INHBA: variants seen among roughly 807,000 people sequenced by gnomAD.
The protein encoded by INHBA is inhibin beta A chain.
A neutral mutation model predicts 29.0 loss-of-function variants in INHBA; 1 was observed. That is an observed-to-expected ratio of 0.03 (90% CI 0.01 to 0.16). The LOEUF is 0.16. INHBA is among the 10% of genes least tolerant of loss of function. The pLI is 1.00. For synonymous variants in INHBA, 242 were observed against 216.8 expected (o/e 1.12, Z -1.02); for missense variants, 376 against 545.4 (o/e 0.69, Z 3.09).
At position 41,689,631 on chromosome 7, in the gene INHBA, C is replaced by A; in HGVS notation, c.*19G>T. 2.6e-6 allele frequency: 4 copies of A among 1,517,220 alleles called. No individual in the cohort carries two copies. Among genetic ancestry groups the A allele is most frequent in the Non-Finnish European group, 3.5e-6 (4 of 1,134,822 alleles). 94.0% of individuals were successfully genotyped at this position (1,517,220 alleles called of 1,614,324 possible). ...TCTCTGGACAACTCTTGCTCCCTTT[C>A]CCCCTGGGCTGGGCAACTCTATGAG... On this transcript the variant is annotated 3_prime_UTR_variant, in exon 3 of 3. Coordinates refer to ENST00000242208, the MANE Select transcript of INHBA (RefSeq NM_002192.4).
chr7:41,700,621 C>T (rs1794761561), intron 1 of INHBA, 104 bp from the exon 2 acceptor site: 1 of 155,840 alleles, frequency 6.4e-6, no homozygotes, highest in Admixed American at 6.3e-5. Context: ...AGAGTTCTGA[C>T]TGTCTCCGAG....
rs376487431 is a variant in INHBA at position 41,689,656 on chromosome 7, G to A, written c.1275C>T (p.Cys425=). ...CCCCCTGGGCTGGGCAACTCTATGAGCACCCACACTCCTCCACGATCATGT... is the reference window on the plus strand; with the variant it reads ...CCCCCTGGGCTGGGCAACTCTATGAACACCCACACTCCTCCACGATCATGT... ...IQNMIVEECG[C]S is the part of the protein sequence containing the mutation. Residue 425 remains cysteine, a synonymous_variant, in exon 3 of 3, where the codon TGC becomes TGT. Coordinates refer to ENST00000242208, the MANE Select transcript of INHBA (RefSeq NM_002192.4). 3 of 1,570,150 alleles carry A rather than the reference G, an allele frequency of 1.9e-6. No individual in the cohort carries two copies. Among genetic ancestry groups the A allele is most frequent in the South Asian group, 2.4e-5 (2 of 83,576 alleles).
intron 2 of INHBA, among the ~76,000 whole-genome samples, chr7:41,696,594 G>A (rs986504045): frequency 6.6e-6 from 1 of 151,982 alleles, no homozygotes; most frequent in African/African-American, 2.4e-5. Flanking sequence ...CACTGACAAG[G>A]AGCAAAAGTC....
intron 2 of INHBA, among the ~76,000 whole-genome samples, chr7:41,693,201 AAG>A (rs1794560360): frequency 6.6e-6 from 1 of 152,202 alleles, no homozygotes; most frequent in South Asian, 2.1e-4. Context: ...TTTTCTAGGA[AAG>A]AGTGTAAAAC....
At chr7:41,697,928 C>T (rs925916098) in intron 2 of INHBA, among the ~76,000 whole-genome samples, 8 of 152,146 alleles carry the variant, frequency 5.3e-5, no homozygotes, top group Non-Finnish European at 1.0e-4. Flanking sequence ...TGAAATCCCT[C>T]AGAGAAAAAT....
At position 41,688,300 on chromosome 7, in the gene INHBA, T is replaced by C. The variant is rs1485882664; in HGVS notation, c.*1350A>G. The C allele has an allele frequency of 1.3e-5, 2 of 152,164 alleles. No individual in the cohort carries two copies. The highest frequency in any genetic ancestry group is 2.4e-5 in the African/African-American group (1 of 41,440). The allele number at this position is 152,164 out of a possible 1,614,324, so 9.4% of individuals were successfully genotyped here. A position where few individuals can be genotyped will look rare whatever the true frequency, so the allele number is the denominator to read the frequency against. ...TCCATGAATTTGATTGAACTTGATA[T>C]CCAACAGTGTACAACTACTGTACAT... is the stretch of plus-strand genomic sequence containing the variant. On this transcript the variant is annotated 3_prime_UTR_variant, in exon 3 of 3. Transcript: ENST00000242208.
At position 41,687,553 on chromosome 7, in the gene INHBA, TG is replaced by T. The variant is rs777103164; in HGVS notation, c.*2096del. On this transcript the variant is annotated 3_prime_UTR_variant, in exon 3 of 3. Transcript: ENST00000242208. ...TACTTTGATATTTATAAAACAAAGG[TG>T]TTTTTTTTTCATTTCTGCATCTGAA... is the stretch of plus-strand genomic sequence containing the variant. 9.9e-5 allele frequency: 15 copies of T among 152,138 alleles called. No individual in the cohort carries two copies. Among genetic ancestry groups the T allele is most frequent in the South Asian group, 2.1e-4 (1 of 4,812 alleles). The allele number at this position is 152,138 out of a possible 1,614,324, so 9.4% of individuals were successfully genotyped here.
At position 41,690,530 on chromosome 7, in the gene INHBA, T is replaced by TTCC; in HGVS notation, c.398_400dup (p.Arg133dup). 1 of 1,595,228 alleles carries TTCC rather than the reference T, an allele frequency of 6.3e-7. No homozygotes were observed. The highest frequency in any genetic ancestry group is 8.5e-7 in the Non-Finnish European group (1 of 1,172,584). ...CTTGGAAATCTCGAAGTGCAGCGTC[T>TTCC]TCCTGGCTGTTCCTGAAGATGAAAG... On this transcript the variant is annotated inframe_insertion, in exon 3 of 3. Transcript: ENST00000242208.
rs373322295 is a variant in INHBA at position 41,700,253 on chromosome 7, G to A, written c.122C>T (p.Ala41Val). ...AAPDCPSCAL[A>V]ALPKDVPNSQ... ...GTTGGGTACATCCTTTGGGAGGGCG[G>A]CCAGCGCACAGGACGGACAGTCGGG... Residue 41 changes from alanine (A) to valine (V), a missense_variant, in exon 2 of 3, where the codon GCC (alanine) becomes GTC (valine). Physicochemically the swap from Ala to Val is moderately conservative, Grantham distance 64. This residue lies in a region of INHBA where 71 missense variants were observed against 77.0 expected (regional missense o/e 0.92). Transcript: ENST00000242208. The A allele has an allele frequency of 4.8e-5, 77 of 1,610,618 alleles. No homozygotes were observed. Among genetic ancestry groups the A allele is most frequent in the Non-Finnish European group, 6.0e-5 (71 of 1,177,872 alleles).
At chr7:41,705,217 C>G (rs1408906158), upstream of INHBA, 1 of 153,300 alleles carries the variant, frequency 6.5e-6, no homozygotes, top group Admixed American at 6.5e-5. Flanking sequence ...TTTCACTTCC[C>G]CCTCCCCCGG....
At position 41,690,102 on chromosome 7, in the gene INHBA, C is replaced by A; in HGVS notation, c.829G>T (p.Gly277Cys). 1 of 1,613,770 alleles carries A rather than the reference C, an allele frequency of 6.2e-7. No individual in the cohort carries two copies. The highest frequency in any genetic ancestry group is 8.5e-7 in the Non-Finnish European group (1 of 1,179,990). The change falls in exon 3 of 3, where the codon GGT (glycine) becomes TGT (cysteine). Residue 277 changes from glycine (G) to cysteine (C), a missense_variant. Physicochemically the swap from Gly to Cys is radical, Grantham distance 159. Coordinates refer to ENST00000242208, the MANE Select transcript of INHBA (RefSeq NM_002192.4). Reference protein sequence around the residue: ...GEGKKKGGGEGGAGADEEKEQ... With the variant: ...GEGKKKGGGECGAGADEEKEQ... Reference sequence around the variant, plus strand: ...TTTTCCTCATCTGCTCCTGCCCCACCTTCACCTCCGCCCTTCTTTTTCCCT... The same window carrying A: ...TTTTCCTCATCTGCTCCTGCCCCACATTCACCTCCGCCCTTCTTTTTCCCT...
chr7:41,703,395 C>T (rs932537998), upstream of INHBA, among the ~76,000 whole-genome samples: 1 of 152,116 alleles, frequency 6.6e-6, no homozygotes, highest in Non-Finnish European at 1.5e-5. Flanking sequence ...TTTTACTACT[C>T]GCACACACGT....
At chr7:41,690,807 A>T (rs1035509486) in intron 2 of INHBA, among the ~76,000 whole-genome samples, 1 of 152,240 alleles carries the variant, frequency 6.6e-6, no homozygotes, top group Non-Finnish European at 1.5e-5. Flanking sequence ...GCCTGTAAAT[A>T]AAGTTTTGTT....
chr7:41,690,608 C>T lies in INHBA; in HGVS notation c.389-66G>A, dbSNP rs942391965. The T allele has an allele frequency of 7.5e-6, 11 of 1,459,886 alleles. 1 individual carries two copies. In the South Asian group the frequency reaches 1.0e-4, roughly 13 times the overall value. 90.4% of individuals were successfully genotyped at this position (1,459,886 alleles called of 1,614,324 possible). ...GTTAATTCCAACATTTACATGCACTCGTAAATTTCAGGCAAGCAGGAGTCT... is the reference window on the plus strand; with the variant it reads ...GTTAATTCCAACATTTACATGCACTTGTAAATTTCAGGCAAGCAGGAGTCT... On this transcript the variant is annotated intron_variant, in intron 2 of 2. Transcript: ENST00000242208.
chr7:41,698,267 C>G (rs909622864), intron 2 of INHBA, among the ~76,000 whole-genome samples: 1 of 152,032 alleles, frequency 6.6e-6, no homozygotes, highest in African/African-American at 2.4e-5. Flanking sequence ...GGGCATATTG[C>G]TAGTAACGGT....
chr7:41,699,469 C>T (rs1165000994), intron 2 of INHBA, among the ~76,000 whole-genome samples: 1 of 151,972 alleles, frequency 6.6e-6, no homozygotes, highest in Non-Finnish European at 1.5e-5. Context: ...CCAATGTGGC[C>T]CCAGATTGGA....
chr7:41,685,193 A>G lies in INHBA; in HGVS notation c.*4457T>C, dbSNP rs1040641963. On this transcript the variant is annotated 3_prime_UTR_variant, in exon 3 of 3. Coordinates refer to ENST00000242208, the MANE Select transcript of INHBA (RefSeq NM_002192.4). Reference sequence around the variant, plus strand: ...TTGCTGAATACTGTCCACTAACTGTACAAAATATTGACTGCATGCCTCGCA... The same window carrying G: ...TTGCTGAATACTGTCCACTAACTGTGCAAAATATTGACTGCATGCCTCGCA... 1.3e-5 allele frequency: 2 copies of G among 152,174 alleles called. No individual in the cohort carries two copies. Among genetic ancestry groups the G allele is most frequent in the African/African-American group, 4.8e-5 (2 of 41,462 alleles). 9.4% of individuals were successfully genotyped at this position (152,174 alleles called of 1,614,324 possible). A position where few individuals can be genotyped will look rare whatever the true frequency, so the allele number is the denominator to read the frequency against.
chr7:41,687,625 T>G lies in INHBA; in HGVS notation c.*2025A>C, dbSNP rs547594091. On this transcript the variant is annotated 3_prime_UTR_variant, in exon 3 of 3. Coordinates refer to ENST00000242208, the MANE Select transcript of INHBA (RefSeq NM_002192.4). The stretch of plus-strand genomic sequence containing the variant: ...AAGAATTTTGGCTGTAAATTAAAAT[T>G]TTAGAGATTTTTACTACTGCCCTCA... 4.6e-5 allele frequency: 7 copies of G among 152,266 alleles called. No individual in the cohort carries two copies. The highest frequency in any genetic ancestry group is 1.7e-4 in the African/African-American group (7 of 41,554). The allele number at this position is 152,266 out of a possible 1,614,324, so 9.4% of individuals were successfully genotyped here. A position where few individuals can be genotyped will look rare whatever the true frequency, so the allele number is the denominator to read the frequency against.
intron 2 of INHBA, among the ~76,000 whole-genome samples, chr7:41,699,376 C>T (rs375244430): frequency 1.4e-4 from 22 of 152,188 alleles, no homozygotes; most frequent in African/African-American, 5.1e-4. Flanking sequence ...TAGCTCTTCC[C>T]TGTCTTGAAT....
Sources: gnomAD v4.1 joint callset for allele counts (sites outside exome capture counted in the v4.1 genomes callset) on GRCh38, gnomAD v4.1.1 for gene constraint, gnomAD v4.1.1 regional missense constraint, MANE v1.5 for transcripts, NCBI Gene and HGNC (gene_info 2026-07-23, HGNC 2026-07-21) for gene names.